PTPRN: variants seen among roughly 807,000 people sequenced by gnomAD.
PTPRN encodes receptor-type tyrosine-protein phosphatase-like N.
In PTPRN, 70 loss-of-function variants were observed where a neutral mutation model predicts 108.5. The ratio of observed to expected loss-of-function variants is 0.65; its 90% CI spans 0.53 to 0.79. PTPRN has a LOEUF of 0.79. Among genes scored for constraint, PTPRN ranks in the 30% least tolerant of loss-of-function variants. The pLI is 0.00. For missense variants in PTPRN, 1,136 were observed against 1,295.5 expected (o/e 0.88, Z 1.89); for synonymous variants, 496 against 524.6 (o/e 0.95, Z 0.75).
chr2:219,301,567 T>A (rs761202947), intron 7 of PTPRN, 21 bp downstream of exon 7: 1 of 1,596,074 alleles, frequency 6.3e-7, no homozygotes, highest in Non-Finnish European at 8.6e-7. Context: ...TATTGGTCCC[T>A]CCCTCTGCCT....
rs151265781 is a variant in PTPRN, at chr2:219,297,423, C to T, written c.1898G>A (p.Arg633His). 1.4e-4 allele frequency: 226 copies of T among 1,613,898 alleles called. No individual in the cohort carries two copies. The highest frequency in any genetic ancestry group is 1.7e-4 in the Non-Finnish European group (201 of 1,180,020). Residue 633 changes from arginine to histidine, a missense_variant, in exon 14 of 23, where the codon CGC (arginine) becomes CAC (histidine). Transcript: ENST00000295718. This position sits in a 1 kb window ranked among gnomAD's most constrained non-coding sequence, Gnocchi z 6.0. Reference protein sequence around the residue: ...DTTFEYQDLCRQHMATKSLFN... With the variant: ...DTTFEYQDLCHQHMATKSLFN... ...CAAGGACTTCGTGGCCATGTGCTGG[C>T]GGCACAGGTCCTGTGGAGGAAGAAT...
Position 219,296,033 on chromosome 2 carries a change from T to G in PTPRN, c.2508+193A>C. On this transcript the variant is annotated intron_variant, in intron 18 of 22. Coordinates refer to ENST00000295718, the MANE Select transcript of PTPRN (RefSeq NM_002846.4). This position sits in a 1 kb window ranked among gnomAD's most constrained non-coding sequence, Gnocchi z 6.0. ...ATGTTCTGTAAACAGGACACACACATGTATATATGTGAATATATGGGTATG... is the reference window on the plus strand; with the variant it reads ...ATGTTCTGTAAACAGGACACACACAGGTATATATGTGAATATATGGGTATG... 1.0e-5 allele frequency: 7 copies of G among 700,328 alleles called. No individual in the cohort carries two copies. The highest frequency in any genetic ancestry group is 1.4e-5 in the Non-Finnish European group (6 of 430,120). The allele number at this position is 700,328 out of a possible 1,614,324, so 43.4% of individuals were successfully genotyped here.
chr2:219,295,183 C>A (rs749532589), intron 18 of PTPRN, 42 bp from the exon 19 acceptor site: 1 of 1,588,864 alleles, frequency 6.3e-7, no homozygotes, highest in Non-Finnish European at 8.6e-7. Context: ...CGGGCTGCCC[C>A]AGTCCCCGCG....
chr2:219,291,757 A>T, intron 19 of PTPRN: 1 of 582,674 alleles, frequency 1.7e-6, no homozygotes. Flanking sequence ...TGCACCTGGA[A>T]CAACTGATTT....
intron 8 of PTPRN, 149 bp from the exon 9 acceptor site, chr2:219,300,408 CA>C: frequency 1.4e-6 from 1 of 732,306 alleles, no homozygotes; most frequent in Non-Finnish European, 2.1e-6. Flanking sequence ...GAGAGGACAC[CA>C]GAGCATCTGA....
intron 18 of PTPRN, chr2:219,295,387 C>T: frequency 4.0e-6 from 2 of 503,494 alleles, no homozygotes; most frequent in East Asian, 3.7e-5. Context: ...TTTCTCCTCC[C>T]TCTTCCTCGC....
rs1224581140 is a variant in PTPRN at position 219,299,221 on chromosome 2, G to A, written c.1603+84C>T. The A allele has an allele frequency of 2.5e-6, 4 of 1,598,864 alleles. No homozygotes were observed. The East Asian group carries it at 6.7e-5, about 27-fold the overall frequency. ...CCATGTGGGCTGGGAACATTTCAAG[G>A]GGGCATCAGCAACAGGCCTGGATAT... On this transcript the variant is annotated intron_variant, in intron 11 of 22. Transcript: ENST00000295718.
chr2:219,299,748 A>G lies in PTPRN; in HGVS notation c.1475T>C (p.Ile492Thr), dbSNP rs751458760. The G allele has an allele frequency of 1.2e-6, 2 of 1,610,204 alleles. No homozygotes were observed. Among genetic ancestry groups the G allele is most frequent in the South Asian group, 1.1e-5 (1 of 90,908 alleles). ...GGACATGTGCACATGCTCAGCCAGGATCTCCAGCAGCTTCACTCCTGCAGC... is the reference window on the plus strand; with the variant it reads ...GGACATGTGCACATGCTCAGCCAGGGTCTCCAGCAGCTTCACTCCTGCAGC... ...SLAAGVKLLEILAEHVHMSSG... is the reference protein window; with the variant it reads ...SLAAGVKLLETLAEHVHMSSG... The change falls in exon 10 of 23, where the codon ATC (isoleucine) becomes ACC (threonine). Residue 492 changes from isoleucine to threonine, a missense_variant. By Grantham distance (89) the Ile-to-Thr change is moderately conservative. Coordinates refer to ENST00000295718, the MANE Select transcript of PTPRN (RefSeq NM_002846.4).
In PTPRN at chr2:219,302,266, T is replaced by A; in HGVS notation, c.865A>T (p.Ser289Cys). The A allele has an allele frequency of 6.2e-7, 1 of 1,614,182 alleles. No homozygotes were observed. The highest frequency in any genetic ancestry group is 1.1e-5 in the South Asian group (1 of 91,086). ...GGCAGCCTTGGCACCCTGGCCCTGCTGGGTGCTGGCAACTCCTGGGCCAGA... is the reference window on the plus strand; with the variant it reads ...GGCAGCCTTGGCACCCTGGCCCTGCAGGGTGCTGGCAACTCCTGGGCCAGA... ...LYLAQELPAP[S>C]RARVPRLPEQ... The change falls in exon 6 of 23, where the codon AGC becomes TGC. Residue 289 changes from serine (S) to cysteine (C), a missense_variant. By Grantham distance (112) the Ser-to-Cys change is moderately radical. Transcript: ENST00000295718.
At chr2:219,309,117 C>A in intron 1 of PTPRN, 101 bp downstream of exon 1, 1 of 1,488,246 alleles carries the variant, frequency 6.7e-7, no homozygotes, top group Non-Finnish European at 9.1e-7. Context: ...ATATTCTCCC[C>A]GAGCTTCATG....
chr2:219,309,176 T>TCCCCCCCCCCCCCC, intron 1 of PTPRN, 42 bp downstream of exon 1: 25 of 1,364,332 alleles, frequency 1.8e-5, no homozygotes, highest in East Asian at 8.1e-5. Flanking sequence ...CCCAAGCTGC[T>TCCCCCCCCCCCCCC]CCCCGCCCCC....
intron 1 of PTPRN, 42 bp from the exon 2 acceptor site, chr2:219,307,884 C>G: frequency 6.3e-7 from 1 of 1,596,856 alleles, no homozygotes; most frequent in Non-Finnish European, 8.6e-7. Flanking sequence ...CACCCACTCA[C>G]AGAGAATGGG....
At chr2:219,303,609 C>A in intron 4 of PTPRN, 126 bp downstream of exon 4, 1 of 839,890 alleles carries the variant, frequency 1.2e-6, no homozygotes, top group East Asian at 2.7e-5. Flanking sequence ...CATTCCTGCA[C>A]CTCTTTACCT....
At position 219,307,459 on chromosome 2, in the gene PTPRN, G is replaced by T. The variant is rs1559306437; in HGVS notation, c.265C>A (p.Gln89Lys). ...VLQRLQGVLR[Q>K]LMSQGLSWHD... ...CAGACCTTACCTTGGGACATGAGTT[G>T]TCGGAGCACACCTTGTAAGCGTTGG... The change falls in exon 3 of 23, where the codon CAA becomes AAA. Residue 89 changes from glutamine to lysine, a missense_variant. Coordinates refer to ENST00000295718, the MANE Select transcript of PTPRN (RefSeq NM_002846.4). The T allele has an allele frequency of 6.2e-7, 1 of 1,614,024 alleles. No individual in the cohort carries two copies. Among genetic ancestry groups the T allele is most frequent in the Middle Eastern group, 1.7e-4 (1 of 6,060 alleles).
chr2:219,299,283 T>C (rs2125093657), intron 11 of PTPRN, 22 bp downstream of exon 11: 2 of 1,612,416 alleles, frequency 1.2e-6, no homozygotes, highest in Non-Finnish European at 1.7e-6. Flanking sequence ...AAGCCTGGGA[T>C]TGAGGTCGCA....
rs1424275608 is a variant in PTPRN, at chr2:219,309,315, CCGCCGCGGG to C, written c.9_17del (p.Arg5_Pro7del). ...CCCCGGATCCCCCGAGACCCCCAGG[CCGCCGCGGG>C]CGCCGCATCTTTCCGAGCTCCGGGC... On this transcript the variant is annotated inframe_deletion, in exon 1 of 23. Coordinates refer to ENST00000295718, the MANE Select transcript of PTPRN (RefSeq NM_002846.4). 7 of 1,485,764 alleles carry C rather than the reference CCGCCGCGGG, an allele frequency of 4.7e-6. No homozygotes were observed. The highest frequency in any genetic ancestry group is 5.4e-6 in the Non-Finnish European group (6 of 1,120,952). The allele number at this position is 1,485,764 out of a possible 1,614,324, so 92.0% of individuals were successfully genotyped here.
chr2:219,303,656 C>T, intron 4 of PTPRN, 79 bp downstream of exon 4: 3 of 1,384,594 alleles, frequency 2.2e-6, no homozygotes. Flanking sequence ...CCACTTCCTT[C>T]CCCTTCTCTC....
chr2:219,304,874 C>G (rs534208022), intron 3 of PTPRN, among the ~76,000 whole-genome samples: 1 of 152,194 alleles, frequency 6.6e-6, no homozygotes, highest in Non-Finnish European at 1.5e-5. Context: ...ACTTTCTTCT[C>G]TAGGGATCAC....
chr2:219,296,659 G>A lies in PTPRN; in HGVS notation c.2310+90C>T. On this transcript the variant is annotated intron_variant, in intron 16 of 22. Transcript: ENST00000295718. This position sits in a 1 kb window ranked among gnomAD's most constrained non-coding sequence, Gnocchi z 6.0. ...CAGGCCCCACCACTCCAGGGGGTTG[G>A]TGGGGTGGCAGGTGACCACGGGGAA... 1 of 1,568,924 alleles carries A rather than the reference G, an allele frequency of 6.4e-7. No homozygotes were observed. The highest frequency in any genetic ancestry group is 8.7e-7 in the Non-Finnish European group (1 of 1,146,114).
Sources: gnomAD v4.1 joint callset for allele counts (sites outside exome capture counted in the v4.1 genomes callset) on GRCh38, gnomAD v4.1.1 for gene constraint, Gnocchi (gnomAD v3.1) non-coding constraint, MANE v1.5 for transcripts, NCBI Gene and HGNC (gene_info 2026-07-23, HGNC 2026-07-21) for gene names.